Variants in CDH18 observed in about 807,000 individuals in gnomAD.
CDH18 encodes cadherin-18.
A neutral mutation model predicts 67.9 loss-of-function variants in CDH18; 31 were observed. The ratio of observed to expected loss-of-function variants is 0.46; its 90% CI spans 0.34 to 0.62. CDH18 has a LOEUF of 0.62. Among genes scored for constraint, CDH18 ranks in the 20% least tolerant of loss-of-function variants. CDH18 has a pLI of 0.01. For missense variants in CDH18, 890 were observed against 975.5 expected (o/e 0.91, Z 1.17); for synonymous variants, 362 against 347.2 (o/e 1.04, Z -0.48).
intron 1 of CDH18, among the ~76,000 whole-genome samples, chr5:20,558,608 T>G (rs1379307127): frequency 1.3e-5 from 2 of 152,090 alleles, no homozygotes; most frequent in Non-Finnish European, 2.9e-5. Context: ...GTTTGTGGTG[T>G]TTGACTGATG....
intron 7 of CDH18, among the ~76,000 whole-genome samples, chr5:19,587,802 CA>C (rs1476991646): frequency 6.6e-6 from 1 of 151,822 alleles, no homozygotes; most frequent in Non-Finnish European, 1.5e-5. Flanking sequence ...AATTTTAAAT[CA>C]TTTTTTTCTA....
intron 8 of CDH18, among the ~76,000 whole-genome samples, chr5:19,567,892 T>C (rs1349345169): frequency 1.3e-5 from 2 of 152,152 alleles, no homozygotes; most frequent in Non-Finnish European, 2.9e-5. Flanking sequence ...CTCAGTGATA[T>C]AGGACAATTA....
intron 2 of CDH18, among the ~76,000 whole-genome samples, chr5:20,016,926 A>G (rs1375954279): frequency 6.6e-6 from 1 of 152,156 alleles, no homozygotes; most frequent in Non-Finnish European, 1.5e-5. Context: ...ATGAATGTAC[A>G]TTTGTAGTAA....
At chr5:19,480,364 T>TTTAG (rs1739202347) in intron 12 of CDH18, among the ~76,000 whole-genome samples, 1 of 143,366 alleles carries the variant, frequency 7.0e-6, no homozygotes, top group Non-Finnish European at 1.5e-5. Flanking sequence ...TATTTATTTA[T>TTTAG]TTATTTATTT....
At chr5:20,052,808 A>C (rs1741550055) in intron 2 of CDH18, among the ~76,000 whole-genome samples, 2 of 152,248 alleles carry the variant, frequency 1.3e-5, no homozygotes, top group Non-Finnish European at 1.5e-5. Flanking sequence ...AAAGAATGTC[A>C]TAAAGAAGAT....
chr5:20,315,965 T>C (rs1269822447), intron 1 of CDH18, among the ~76,000 whole-genome samples: 1 of 152,132 alleles, frequency 6.6e-6, no homozygotes, highest in African/African-American at 2.4e-5. Flanking sequence ...TGTCACATAT[T>C]AGGGTCTCAA....
intron 3 of CDH18, among the ~76,000 whole-genome samples, chr5:19,806,012 C>T (rs2149872042): frequency 6.6e-6 from 1 of 152,292 alleles, no homozygotes; most frequent in Non-Finnish European, 1.5e-5. Flanking sequence ...TGGCATTATT[C>T]TCAGGCCCAC....
intron 1 of CDH18, among the ~76,000 whole-genome samples, chr5:20,384,593 T>A (rs540756270): frequency 1.3e-5 from 2 of 152,296 alleles, no homozygotes; most frequent in East Asian, 3.9e-4. Flanking sequence ...TTCTTTTGAA[T>A]ACACCCATAA....
chr5:20,279,046 T>C (rs1196983463), intron 1 of CDH18, among the ~76,000 whole-genome samples: 1 of 152,078 alleles, frequency 6.6e-6, no homozygotes, highest in African/African-American at 2.4e-5. Flanking sequence ...GAGTAAGTCC[T>C]TCCTTATCAA....
At chr5:20,119,705 T>C (rs1281914030) in intron 2 of CDH18, among the ~76,000 whole-genome samples, 3 of 152,118 alleles carry the variant, frequency 2.0e-5, no homozygotes, top group Non-Finnish European at 2.9e-5. Flanking sequence ...CTAACAAAGA[T>C]TGTGGTGCCA....
chr5:20,108,882 C>A (rs1747217927), intron 2 of CDH18, among the ~76,000 whole-genome samples: 1 of 152,154 alleles, frequency 6.6e-6, no homozygotes. Flanking sequence ...ACGTATTCAA[C>A]CTCTGTGCCT....
intron 5 of CDH18, among the ~76,000 whole-genome samples, chr5:19,700,355 T>A (rs1763078678): frequency 6.6e-6 from 1 of 152,146 alleles, no homozygotes; most frequent in South Asian, 2.1e-4. Flanking sequence ...AACGTTACAA[T>A]CTTATGCGAC....
intron 2 of CDH18, among the ~76,000 whole-genome samples, chr5:20,252,340 ACT>A (rs1175759356): frequency 6.6e-6 from 1 of 151,530 alleles, no homozygotes; most frequent in Non-Finnish European, 1.5e-5. Flanking sequence ...ACAGAGCAAG[ACT>A]CTGTCTCAAA....
chr5:19,681,467 T>C (rs984670591), intron 5 of CDH18, among the ~76,000 whole-genome samples: 1 of 152,078 alleles, frequency 6.6e-6, no homozygotes, highest in East Asian at 1.9e-4. Flanking sequence ...TTATTTATTT[T>C]AATAACTAAA....
intron 2 of CDH18, among the ~76,000 whole-genome samples, chr5:20,238,042 A>T (rs1023827968): frequency 6.6e-6 from 1 of 152,014 alleles, no homozygotes; most frequent in Non-Finnish European, 1.5e-5. Flanking sequence ...ATGCCAAGAC[A>T]ATTACTGGAA....
At chr5:19,844,751 T>C (rs151114318) in intron 2 of CDH18, among the ~76,000 whole-genome samples, 1 of 152,176 alleles carries the variant, frequency 6.6e-6, no homozygotes, top group Non-Finnish European at 1.5e-5. Context: ...TCTGCAGATA[T>C]GACAGACAGA....
At chr5:19,639,311 G>A (rs957932380) in intron 5 of CDH18, among the ~76,000 whole-genome samples, 8 of 151,982 alleles carry the variant, frequency 5.3e-5, no homozygotes, top group African/African-American at 1.9e-4. Context: ...TGATGGCTGG[G>A]AAGTTTAACA....
intron 1 of CDH18, among the ~76,000 whole-genome samples, chr5:20,329,566 C>T (rs1006365039): frequency 6.6e-6 from 1 of 151,764 alleles, no homozygotes; most frequent in African/African-American, 2.4e-5. Context: ...AGTTCGAGAC[C>T]AGCCTGGCCA....
intron 1 of CDH18, among the ~76,000 whole-genome samples, chr5:20,346,385 G>A (rs1740700325): frequency 6.6e-6 from 1 of 152,120 alleles, no homozygotes; most frequent in South Asian, 2.1e-4. Context: ...TTAATTGTTG[G>A]TGCCTTAACA....
Sources: allele counts gnomAD v4.1 joint callset (sites outside exome capture counted in the v4.1 genomes callset), GRCh38; gene constraint gnomAD v4.1.1; transcripts MANE v1.5; gene names NCBI Gene and HGNC (gene_info 2026-07-23, HGNC 2026-07-21).